The following NOLC1 variants were observed in gnomAD, a reference collection of about 807,000 sequenced individuals.
NOLC1 encodes 140 kDa nucleolar phosphoprotein.
In NOLC1, 37 loss-of-function variants were observed where a neutral mutation model predicts 73.4. The observed-to-expected ratio is 0.50, with a 90% CI of 0.39 to 0.66. The LOEUF (loss-of-function observed/expected upper bound fraction) is 0.66. NOLC1 is among the 30% of genes least tolerant of loss of function. The pLI is 0.00. For synonymous variants in NOLC1, 327 were observed against 302.6 expected (o/e 1.08, Z -0.84); for missense variants, 921 against 838.9 (o/e 1.10, Z -1.21).
At chr10:102,157,146 A>G (rs1443842704) in intron 2 of NOLC1, 43 bp from the exon 3 acceptor site, 6 of 1,613,758 alleles carry the variant, frequency 3.7e-6, no homozygotes, top group African/African-American at 1.3e-5. Context: ...TTGGTTTGGG[A>G]AGATTCCAGT....
chr10:102,155,773 G>C (rs1221081778), intron 1 of NOLC1, among the ~76,000 whole-genome samples: 1 of 152,026 alleles, frequency 6.6e-6, no homozygotes, highest in Non-Finnish European at 1.5e-5. Context: ...CTCCCATAGT[G>C]CTGGGATTAC....
chr10:102,155,801 G>A (rs1026411773), intron 1 of NOLC1, among the ~76,000 whole-genome samples: 3 of 151,770 alleles, frequency 2.0e-5, no homozygotes, highest in Non-Finnish European at 4.4e-5. Context: ...CTGAGCCACC[G>A]TGCCTGGCCC....
Position 102,163,698 on chromosome 10 carries a change from TCTC to T in NOLC1, c.*1433_*1435del, listed in dbSNP as rs1045878488. 2.0e-5 allele frequency: 3 copies of T among 152,234 alleles called. No individual in the cohort carries two copies. Among genetic ancestry groups the T allele is most frequent in the Non-Finnish European group, 2.9e-5 (2 of 68,038 alleles). 9.4% of individuals were successfully genotyped at this position (152,234 alleles called of 1,614,324 possible). ...GACGAGTTATAGGTCTTAAGATTAG[TCTC>T]CTCTTGTTTGGATTCCATACTTGCT... On this transcript the variant is annotated 3_prime_UTR_variant, in exon 13 of 13. Transcript: ENST00000605788.
rs774968590 is a variant in NOLC1, at chr10:102,159,912, C to G, written c.876C>G (p.Val292=). 2.5e-6 allele frequency: 4 copies of G among 1,597,782 alleles called. No homozygotes were observed. The highest frequency in any genetic ancestry group is 1.7e-4 in the Middle Eastern group (1 of 6,006). ...MKNKPGPYSS[V]PPPSAPPPKK... is the part of the protein sequence containing the mutation. ...TTTAAACAGGTCCCTACAGTTCAGT[C>G]CCCCCGCCTTCTGCTCCCCCACCAA... is the stretch of plus-strand genomic sequence containing the variant. Residue 292 remains valine, a synonymous_variant, in exon 8 of 13, where the codon GTC becomes GTG. Coordinates refer to ENST00000605788, the MANE Select transcript of NOLC1 (RefSeq NM_004741.5).
chr10:102,156,987 A>G, intron 1 of NOLC1, 32 bp from the exon 2 acceptor site: 5 of 1,606,586 alleles, frequency 3.1e-6, no homozygotes, highest in Non-Finnish European at 4.3e-6. Flanking sequence ...AGGATAAAAT[A>G]ATTTCCTTAC....
chr10:102,161,151 T>C, intron 10 of NOLC1, 58 bp downstream of exon 10: 1 of 1,515,028 alleles, frequency 6.6e-7, no homozygotes, highest in Non-Finnish European at 8.8e-7. Flanking sequence ...GGATGGGATA[T>C]ACTCTTTGAG....
At chr10:102,156,892 T>C in intron 1 of NOLC1, 127 bp from the exon 2 acceptor site, 2 of 907,676 alleles carry the variant, frequency 2.2e-6, no homozygotes, top group Non-Finnish European at 3.5e-6. Context: ...TTTATGCACG[T>C]AGCAAAAGTT....
chr10:102,159,704 G>T (rs2069667690), intron 7 of NOLC1, 136 bp downstream of exon 7: 3 of 1,127,140 alleles, frequency 2.7e-6, no homozygotes, highest in Middle Eastern at 2.8e-4. Flanking sequence ...AGTGATCCAG[G>T]AAAGCAAGGA....
Position 102,152,450 on chromosome 10 carries a change from C to T in NOLC1, c.40C>T (p.Leu14=), listed in dbSNP as rs780908545. Reference sequence around the variant, plus strand: ...CATTCGCCGCGTGGTTCCCAGCGACCTGTATCCCCTCGTGCTCGGCTTCCT... The same window carrying T: ...CATTCGCCGCGTGGTTCCCAGCGACTTGTATCCCCTCGTGCTCGGCTTCCT... ...AGIRRVVPSD[L]YPLVLGFLRD... is the part of the protein sequence containing the mutation. The change falls in exon 1 of 13, where the codon CTG becomes TTG. Residue 14 remains leucine (L), a synonymous_variant. Transcript: ENST00000605788. The T allele has an allele frequency of 1.9e-6, 3 of 1,613,158 alleles. No homozygotes were observed. In the East Asian group the frequency reaches 6.7e-5, roughly 36 times the overall value.
intron 8 of NOLC1, 73 bp from the exon 9 acceptor site, chr10:102,160,160 T>A (rs1210455866): frequency 6.3e-7 from 1 of 1,593,824 alleles, no homozygotes; most frequent in African/African-American, 1.4e-5. Flanking sequence ...GTGCGTGTCT[T>A]TGCATTCTTT....
chr10:102,154,214 G>A (rs1470036918), intron 1 of NOLC1, among the ~76,000 whole-genome samples: 1 of 150,272 alleles, frequency 6.7e-6, no homozygotes, highest in Non-Finnish European at 1.5e-5. Context: ...TGGGACTACA[G>A]GTGTGCCCCA....
chr10:102,161,193 G>A, intron 10 of NOLC1, 100 bp downstream of exon 10: 2 of 1,270,944 alleles, frequency 1.6e-6, no homozygotes, highest in Non-Finnish European at 2.1e-6. Flanking sequence ...CCACCACTGG[G>A]CTTCCAGTTG....
Position 102,152,594 on chromosome 10 carries a change from G to T in NOLC1, c.120+64G>T, listed in dbSNP as rs1399515068. 3.1e-6 allele frequency: 5 copies of T among 1,602,270 alleles called. No homozygotes were observed. In the African/African-American group the frequency reaches 6.7e-5, roughly 21 times the overall value. On this transcript the variant is annotated intron_variant, in intron 1 of 12. Coordinates refer to ENST00000605788, the MANE Select transcript of NOLC1 (RefSeq NM_004741.5). Reference sequence around the variant, plus strand: ...ACCACAAGGCTTCAGGCCCTGACGTGCTTAGGTTTCCAGGTGGGGAAGTCT... The same window carrying T: ...ACCACAAGGCTTCAGGCCCTGACGTTCTTAGGTTTCCAGGTGGGGAAGTCT...
chr10:102,155,127 A>T (rs1405958005), intron 1 of NOLC1, among the ~76,000 whole-genome samples: 1 of 149,610 alleles, frequency 6.7e-6, no homozygotes, highest in East Asian at 2.0e-4. Flanking sequence ...GGTTCAAGCG[A>T]TTCTCCTGCC....
In NOLC1 at chr10:102,161,580, A is replaced by G. The variant is rs2069710255; in HGVS notation, c.1766A>G (p.Asn589Ser). The change falls in exon 11 of 13, where the codon AAT becomes AGT. Residue 589 changes from asparagine to serine, a missense_variant. By Grantham distance (46) the Asn-to-Ser change is conservative. Transcript: ENST00000605788. ...KSGSLKKRKQ[N>S]EAAKEAETPQ... The stretch of plus-strand genomic sequence containing the variant: ...GGTTCATTAAAGAAGCGGAAGCAGA[A>G]TGAGGCTGCCAAGGAGGCAGAGACT... 1.9e-6 allele frequency: 3 copies of G among 1,613,910 alleles called. No individual in the cohort carries two copies. The highest frequency in any genetic ancestry group is 2.5e-6 in the Non-Finnish European group (3 of 1,179,920).
intron 1 of NOLC1, among the ~76,000 whole-genome samples, chr10:102,156,511 T>G (rs1422979076): frequency 6.6e-6 from 1 of 150,764 alleles, no homozygotes; most frequent in Non-Finnish European, 1.5e-5. Flanking sequence ...GTTCAAGTGA[T>G]TCTCCTGCTT....
chr10:102,152,643 G>T, intron 1 of NOLC1, 113 bp downstream of exon 1: 19 of 1,478,458 alleles, frequency 1.3e-5, no homozygotes, highest in Admixed American at 2.0e-5. Context: ...TCCAGTGTCT[G>T]CAAGGCCTTT....
At chr10:102,155,278 G>C (rs1030947566) in intron 1 of NOLC1, among the ~76,000 whole-genome samples, 2 of 151,810 alleles carry the variant, frequency 1.3e-5, no homozygotes, top group African/African-American at 4.8e-5. Flanking sequence ...ACCCGCCTCA[G>C]CCTCACAAAG....
In NOLC1 at chr10:102,159,454, G is replaced by A; in HGVS notation, c.745G>A (p.Val249Met). Reference sequence around the variant, plus strand: ...GCAGACTGTACCTAAAAAGCAAGTTGTGGCCAAGGCCCCAGTGAAAGCAGC... The same window carrying A: ...GCAGACTGTACCTAAAAAGCAAGTTATGGCCAAGGCCCCAGTGAAAGCAGC... Reference protein sequence around the residue: ...PKKTVPKKQVVAKAPVKAATT... With the variant: ...PKKTVPKKQVMAKAPVKAATT... Residue 249 changes from valine (V) to methionine (M), a missense_variant, in exon 7 of 13, where the codon GTG becomes ATG. Transcript: ENST00000605788. 6.2e-7 allele frequency: 1 copy of A among 1,614,182 alleles called. No individual in the cohort carries two copies. Among genetic ancestry groups the A allele is most frequent in the Middle Eastern group, 1.6e-4 (1 of 6,062 alleles).
Sources: gnomAD v4.1 joint callset for allele counts (sites outside exome capture counted in the v4.1 genomes callset) on GRCh38, gnomAD v4.1.1 for gene constraint, MANE v1.5 for transcripts, NCBI Gene and HGNC (gene_info 2026-07-23, HGNC 2026-07-21) for gene names.